SLC24A1: variants seen among roughly 807,000 people sequenced by gnomAD.
The protein encoded by SLC24A1 is sodium/potassium/calcium exchanger 1.
A neutral mutation model predicts 88.1 loss-of-function variants in SLC24A1; 52 were observed. The observed-to-expected ratio is 0.59, with a 90% CI of 0.47 to 0.74. The LOEUF is 0.74. Among genes scored for constraint, SLC24A1 ranks in the 30% least tolerant of loss-of-function variants. The pLI is 0.00. For missense variants in SLC24A1, 1,173 were observed against 1,363.3 expected, an observed-to-expected ratio of 0.86 and a Z score of 2.20; for synonymous variants, 455 against 498.0, an observed-to-expected ratio of 0.91 and a Z score of 1.15.
chr15:65,624,232 G>C lies in SLC24A1; in HGVS notation c.152G>C (p.Trp51Ser), dbSNP rs763957405. 1 of 1,613,816 alleles carries C rather than the reference G, an allele frequency of 6.2e-7. No individual in the cohort carries two copies. Among genetic ancestry groups the C allele is most frequent in the Non-Finnish European group, 8.5e-7 (1 of 1,179,846 alleles). The change falls in exon 2 of 10, where the codon TGG becomes TCG. Residue 51 changes from tryptophan to serine, a missense_variant. By Grantham distance (177) the Trp-to-Ser change is radical. Transcript: ENST00000261892. The stretch of plus-strand genomic sequence containing the variant: ...AGACCCCGGGGCCTTTCCTCATTGT[G>C]GGCAGCAGTCTCTTCTCATCAGCCT... ...LRRPRGLSSL[W>S]AAVSSHQPIK...
downstream of SLC24A1, chr15:65,660,166 T>C: frequency 1.5e-6 from 1 of 685,432 alleles, no homozygotes. Flanking sequence ...TGGAGTGGTA[T>C]TTACAAAGGA....
At position 65,639,191 on chromosome 15, in the gene SLC24A1, T is replaced by C. The variant is rs149481483; in HGVS notation, c.1945-404T>C. On this transcript the variant is annotated intron_variant, in intron 3 of 9. Coordinates refer to ENST00000261892, the MANE Select transcript of SLC24A1 (RefSeq NM_004727.3). ...CTTGTCTCTGGGAGTGGGGCAATGA[T>C]AAAACGTGATAATGCTCTTTGTGGA... Among the ~76,000 whole-genome samples the C allele has an allele frequency of 3.9e-3, 590 of 152,260 alleles. 5 individuals carry two copies. The highest frequency in any genetic ancestry group is 0.014 in the African/African-American group (563 of 41,548).
intron 1 of SLC24A1, 66 bp downstream of exon 1, chr15:65,622,158 G>A (rs1035421607): frequency 5.3e-5 from 8 of 152,190 alleles, no homozygotes; most frequent in African/African-American, 1.7e-4. Context: ...ACATAACACA[G>A]GAACATTAGA....
At chr15:65,649,891 T>G (rs984959302) in intron 6 of SLC24A1, among the ~76,000 whole-genome samples, 4 of 152,192 alleles carry the variant, frequency 2.6e-5, no homozygotes, top group African/African-American at 9.7e-5. Context: ...CTCCATGCAA[T>G]ATTCTGTATT....
chr15:65,644,680 G>T lies in SLC24A1; in HGVS notation c.2140+167G>T, dbSNP rs952801470. On this transcript the variant is annotated intron_variant, in intron 5 of 9. Transcript: ENST00000261892. ...ATGGTAGGGTGTTGCCCTGATCGCCGCTCCACTCCAGACTCTTCCTTCCCA... is the reference window on the plus strand; with the variant it reads ...ATGGTAGGGTGTTGCCCTGATCGCCTCTCCACTCCAGACTCTTCCTTCCCA... 2.6e-5 allele frequency among the ~76,000 whole-genome samples: 4 copies of T among 152,136 alleles called. 1 individual carries two copies. Among genetic ancestry groups the T allele is most frequent in the African/African-American group, 9.7e-5 (4 of 41,414 alleles).
intron 1 of SLC24A1, among the ~76,000 whole-genome samples, chr15:65,622,890 C>T (rs1037145366): frequency 6.6e-6 from 1 of 151,968 alleles, no homozygotes; most frequent in Non-Finnish European, 1.5e-5. Flanking sequence ...TACAGGCATG[C>T]ACCACCACGC....
chr15:65,611,862 T>G (rs1161594556), intron 1 of SLC24A1: 1 of 152,302 alleles, frequency 6.6e-6, no homozygotes, highest in East Asian at 1.9e-4. Context: ...CGCACGAGAA[T>G]CTTGGGGGGA....
intron 2 of SLC24A1, among the ~76,000 whole-genome samples, chr15:65,631,971 A>G (rs1316748971): frequency 6.6e-6 from 1 of 152,180 alleles, no homozygotes; most frequent in Non-Finnish European, 1.5e-5. Context: ...ACCTGGGACT[A>G]CAGGCACACG....
intron 2 of SLC24A1, among the ~76,000 whole-genome samples, chr15:65,637,438 G>A (rs1371740339): frequency 6.6e-6 from 1 of 152,174 alleles, no homozygotes; most frequent in Non-Finnish European, 1.5e-5. Context: ...ATAAAAAATG[G>A]ATAAGATTTG....
At position 65,654,216 on chromosome 15, in the gene SLC24A1, G is replaced by T; in HGVS notation, c.*137G>T. 1 of 1,447,966 alleles carries T rather than the reference G, an allele frequency of 6.9e-7. No homozygotes were observed. The highest frequency in any genetic ancestry group is 9.0e-7 in the Non-Finnish European group (1 of 1,105,480). 89.7% of individuals were successfully genotyped at this position (1,447,966 alleles called of 1,614,324 possible). Reference sequence around the variant, plus strand: ...GACCTAGGACCTCTGATATGAATGTGATCTGAGACTAAAGTTTGTCCTTGG... The same window carrying T: ...GACCTAGGACCTCTGATATGAATGTTATCTGAGACTAAAGTTTGTCCTTGG... On this transcript the variant is annotated 3_prime_UTR_variant, in exon 10 of 10. Coordinates refer to ENST00000261892, the MANE Select transcript of SLC24A1 (RefSeq NM_004727.3).
chr15:65,656,749 A>G (rs2075696561), downstream of SLC24A1, among the ~76,000 whole-genome samples: 2 of 152,264 alleles, frequency 1.3e-5, no homozygotes, highest in South Asian at 4.1e-4. Flanking sequence ...GAAGGCCCTG[A>G]TAATAGGTTT....
chr15:65,657,924 A>C (rs1006657259), downstream of SLC24A1: 1 of 152,258 alleles, frequency 6.6e-6, no homozygotes, highest in Non-Finnish European at 1.5e-5. Context: ...TGAGCAAGCA[A>C]AACCTGGAGA....
At position 65,644,414 on chromosome 15, in the gene SLC24A1, G is replaced by A; in HGVS notation, c.2054-13G>A. On this transcript the variant is annotated splice_polypyrimidine_tract_variant and intron_variant, in intron 4 of 9. Transcript: ENST00000261892. ...CAATTCCAGGTAAGATGTATGTCCT[G>A]TCTCATTTGCAGTTCGCCTTGCCAA... The A allele has an allele frequency of 6.4e-7, 1 of 1,557,992 alleles. No individual in the cohort carries two copies. The highest frequency in any genetic ancestry group is 8.7e-7 in the Non-Finnish European group (1 of 1,144,268).
intron 5 of SLC24A1, 91 bp from the exon 6 acceptor site, chr15:65,645,521 T>C: frequency 2.1e-6 from 2 of 932,700 alleles, no homozygotes; most frequent in South Asian, 1.4e-5. Context: ...TGAAGTCCAA[T>C]AGCCCTGTAG....
chr15:65,629,554 A>G (rs2074637240), intron 2 of SLC24A1, among the ~76,000 whole-genome samples: 1 of 152,220 alleles, frequency 6.6e-6, no homozygotes, highest in Non-Finnish European at 1.5e-5. Context: ...GTCTCTCTGA[A>G]ACTTAGTTTT....
At chr15:65,622,655 C>G (rs1222178175) in intron 1 of SLC24A1, among the ~76,000 whole-genome samples, 2 of 152,036 alleles carry the variant, frequency 1.3e-5, no homozygotes, top group Non-Finnish European at 2.9e-5. Context: ...CAATGCCCTT[C>G]TTTATAAAAT....
chr15:65,620,952 G>C (rs1213641020), upstream of SLC24A1, among the ~76,000 whole-genome samples: 2 of 152,154 alleles, frequency 1.3e-5, no homozygotes, highest in African/African-American at 4.8e-5. Flanking sequence ...CTGATCCCAG[G>C]CTTCCAACAT....
At position 65,625,216 on chromosome 15, in the gene SLC24A1, C is replaced by G; in HGVS notation, c.1136C>G (p.Thr379Arg). The change falls in exon 2 of 10, where the codon ACA becomes AGA. Residue 379 changes from threonine (T) to arginine (R), a missense_variant. Thr to Arg is a moderately conservative substitution (Grantham distance 71). Coordinates refer to ENST00000261892, the MANE Select transcript of SLC24A1 (RefSeq NM_004727.3). The part of the protein sequence containing the change: ...KKPSTAPSTS[T>R]TPTVRAKLTM... ...CCTTCCACAGCACCCAGCACCTCAACAACCCCTACGGTCAGGGCAAAGCTG... is the reference window on the plus strand; with the variant it reads ...CCTTCCACAGCACCCAGCACCTCAAGAACCCCTACGGTCAGGGCAAAGCTG... 1 of 1,614,002 alleles carries G rather than the reference C, an allele frequency of 6.2e-7. No homozygotes were observed. Among genetic ancestry groups the G allele is most frequent in the Non-Finnish European group, 8.5e-7 (1 of 1,179,882 alleles).
intron 2 of SLC24A1, among the ~76,000 whole-genome samples, chr15:65,630,797 C>T (rs1304126816): frequency 6.6e-6 from 1 of 152,102 alleles, no homozygotes; most frequent in Non-Finnish European, 1.5e-5. Flanking sequence ...ATGGTGAATC[C>T]TCATCTCTAC....
Sources: gnomAD v4.1 joint callset for allele counts (sites outside exome capture counted in the v4.1 genomes callset) on GRCh38, gnomAD v4.1.1 for gene constraint, MANE v1.5 for transcripts, NCBI Gene and HGNC (gene_info 2026-07-23, HGNC 2026-07-21) for gene names.